Variants in PBX3 observed in about 807,000 individuals in gnomAD.
PBX3 encodes PBX homeobox 3.
In PBX3, 14 loss-of-function variants were observed where a neutral mutation model predicts 48.5. That is an observed-to-expected ratio of 0.29 (90% CI 0.19 to 0.45). The LOEUF (loss-of-function observed/expected upper bound fraction) is 0.45. Among genes scored for constraint, PBX3 ranks in the 20% least tolerant of loss-of-function variants. The probability of loss-of-function intolerance (pLI) is 1.00; values close to 1 mark genes in which losing one functional copy is unlikely to be tolerated. For missense variants in PBX3, 386 were observed against 546.7 expected, an observed-to-expected ratio of 0.71 and a Z score of 2.93; for synonymous variants, 210 against 200.3, an observed-to-expected ratio of 1.05 and a Z score of -0.41.
At chr9:125,928,546 A>G (rs1395580520) in intron 3 of PBX3, among the ~76,000 whole-genome samples, 1 of 151,690 alleles carries the variant, frequency 6.6e-6, no homozygotes, top group Non-Finnish European at 1.5e-5. Flanking sequence ...GCTCACTGCA[A>G]GCTCCATCGC....
At position 125,911,876 on chromosome 9, in the gene PBX3, A is replaced by G. The variant is rs144691553; in HGVS notation, c.275-3810A>G. On this transcript the variant is annotated intron_variant, in intron 2 of 8. Transcript: ENST00000373489. ...TGTGATGACAACTTTTATCATTATT[A>G]TGGATATTATCTATCTTCCCTGATT... 9.2e-3 allele frequency among the ~76,000 whole-genome samples: 1,394 copies of G among 152,284 alleles called. 29 individuals carry two copies. Among genetic ancestry groups the G allele is most frequent in the African/African-American group, 0.031 (1,306 of 41,564 alleles).
intron 2 of PBX3, among the ~76,000 whole-genome samples, chr9:125,852,791 A>G (rs915542392): frequency 6.6e-6 from 1 of 152,128 alleles, no homozygotes; most frequent in African/African-American, 2.4e-5. Flanking sequence ...TTTTTCTGAG[A>G]CATTTCTTCT....
At chr9:125,888,653 ATAAAAACAGC>A (rs1840561236) in intron 2 of PBX3, among the ~76,000 whole-genome samples, 1 of 151,686 alleles carries the variant, frequency 6.6e-6, no homozygotes, top group Non-Finnish European at 1.5e-5. Flanking sequence ...CTTACTCATT[ATAAAAACAGC>A]ATTAATGAAA....
rs138016249 is a variant in PBX3, at chr9:125,911,135, A to G, written c.275-4551A>G. Reference sequence around the variant, plus strand: ...TGTCTTTCACCACTGTTTCCAAATTATATCCCAGTTTTCACAACCAAAAGT... The same window carrying G: ...TGTCTTTCACCACTGTTTCCAAATTGTATCCCAGTTTTCACAACCAAAAGT... On this transcript the variant is annotated intron_variant, in intron 2 of 8. Coordinates refer to ENST00000373489, the MANE Select transcript of PBX3 (RefSeq NM_006195.6). Among the ~76,000 whole-genome samples the G allele has an allele frequency of 2.1e-4, 32 of 152,202 alleles. No homozygotes were observed. In the East Asian group the frequency reaches 5.6e-3, roughly 27 times the overall value.
At chr9:125,748,699 TGA>T in intron 2 of PBX3, 76 bp downstream of exon 2, 1 of 1,057,142 alleles carries the variant, frequency 9.5e-7, no homozygotes, top group Non-Finnish European at 1.4e-6. Context: ...ACTCTCCAGT[TGA>T]GAGCTGCTGC....
chr9:125,753,286 T>A (rs200402059), intron 2 of PBX3, among the ~76,000 whole-genome samples: 1 of 34,772 alleles, frequency 2.9e-5, no homozygotes, highest in South Asian at 1.8e-3. Flanking sequence ...ATATTTTACC[T>A]TTTTTTTTTT....
At chr9:125,823,776 C>A (rs1314105385) in intron 2 of PBX3, among the ~76,000 whole-genome samples, 1 of 152,084 alleles carries the variant, frequency 6.6e-6, no homozygotes, top group Admixed American at 6.6e-5. Context: ...CGTGTTTTGA[C>A]TAGAGAAAAG....
intron 2 of PBX3, among the ~76,000 whole-genome samples, chr9:125,896,229 A>G (rs1840764708): frequency 6.6e-6 from 1 of 152,054 alleles, no homozygotes; most frequent in African/African-American, 2.4e-5. Context: ...AAGCAGAGAG[A>G]TTCCTCTGTG....
intron 2 of PBX3, among the ~76,000 whole-genome samples, chr9:125,836,306 G>A (rs374246134): frequency 5.3e-5 from 8 of 152,160 alleles, no homozygotes; most frequent in East Asian, 3.9e-4. Flanking sequence ...TTAGCCGGGC[G>A]TGGTAGCGGG....
At chr9:125,775,786 TAGG>T (rs1043755093) in intron 2 of PBX3, among the ~76,000 whole-genome samples, 2 of 152,348 alleles carry the variant, frequency 1.3e-5, no homozygotes, top group Admixed American at 1.3e-4. Context: ...AAAATTGTGA[TAGG>T]AGTTGCATTG....
chr9:125,796,408 C>A (rs1055197918), intron 2 of PBX3, among the ~76,000 whole-genome samples: 2 of 152,122 alleles, frequency 1.3e-5, no homozygotes, highest in Admixed American at 6.5e-5. Flanking sequence ...TCTTGAGAAT[C>A]CATTTTCTCC....
At position 125,871,053 on chromosome 9, in the gene PBX3, C is replaced by G. The variant is rs537351401; in HGVS notation, c.275-44633C>G. Among the ~76,000 whole-genome samples, 5 of 152,132 alleles carry G rather than the reference C, an allele frequency of 3.3e-5. No individual in the cohort carries two copies. The South Asian group carries it at 1.0e-3, about 31-fold the overall frequency. On this transcript the variant is annotated intron_variant, in intron 2 of 8. Coordinates refer to ENST00000373489, the MANE Select transcript of PBX3 (RefSeq NM_006195.6). ...AGTCTTGAAAAACTCACATGTATAC[C>G]AGAGACGTGTAAAAAGTTGTTTAAA...
chr9:125,858,386 A>G (rs1482107814), intron 2 of PBX3, among the ~76,000 whole-genome samples: 1 of 152,192 alleles, frequency 6.6e-6, no homozygotes, highest in Non-Finnish European at 1.5e-5. Context: ...ATATCTGTAC[A>G]TGTGCATATC....
intron 5 of PBX3, among the ~76,000 whole-genome samples, chr9:125,946,005 CTTTAGACCCCTTTACTTTTCAGGGG>C (rs982143044): frequency 3.0e-4 from 46 of 152,144 alleles, no homozygotes; most frequent in African/African-American, 1.1e-3. Context: ...TTAAGCAGGG[CTTTAGACCCCTTTACTTTTCAGGGG>C]TAAAAAGGTA....
intron 2 of PBX3, among the ~76,000 whole-genome samples, chr9:125,757,283 T>TAA (rs60669435): frequency 2.0e-5 from 3 of 149,598 alleles, no homozygotes; most frequent in African/African-American, 7.3e-5. Context: ...TGTTTTTTTT[T>TAA]AAAAAAAAAA....
intron 2 of PBX3, among the ~76,000 whole-genome samples, chr9:125,784,252 C>T (rs1837401397): frequency 6.6e-6 from 1 of 152,146 alleles, no homozygotes; most frequent in South Asian, 2.1e-4. Flanking sequence ...CTTCAGCCTC[C>T]CGAGTAGCTG....
chr9:125,897,784 T>C (rs1840809114), intron 2 of PBX3, among the ~76,000 whole-genome samples: 2 of 151,912 alleles, frequency 1.3e-5, no homozygotes, highest in East Asian at 3.9e-4. Context: ...ATGGCCAGAA[T>C]TATCATTCTC....
At chr9:125,767,925 T>G (rs1305737466) in intron 2 of PBX3, among the ~76,000 whole-genome samples, 1 of 151,824 alleles carries the variant, frequency 6.6e-6, no homozygotes, top group Non-Finnish European at 1.5e-5. Context: ...AGGCTAGCAA[T>G]GAGACTCAGG....
intron 2 of PBX3, among the ~76,000 whole-genome samples, chr9:125,845,217 T>G (rs1010597562): frequency 1.3e-5 from 2 of 152,104 alleles, no homozygotes; most frequent in African/African-American, 2.4e-5. Flanking sequence ...TACTATGCAG[T>G]GTGGATGCAA....
Sources: gnomAD v4.1 joint callset for allele counts (sites outside exome capture counted in the v4.1 genomes callset) on GRCh38, gnomAD v4.1.1 for gene constraint, MANE v1.5 for transcripts, NCBI Gene and HGNC (gene_info 2026-07-23, HGNC 2026-07-21) for gene names.